Variants in FER1L6 observed in about 807,000 individuals in gnomAD.
FER1L6 encodes fer-1-like protein 6.
Under a neutral mutation model 219.2 loss-of-function variants are expected in FER1L6, and 177 were observed. That is an observed-to-expected ratio of 0.81 (90% confidence interval 0.71 to 0.91). FER1L6 has a LOEUF of 0.91. FER1L6 is among the 40% of genes least tolerant of loss of function. FER1L6 has a pLI of 0.00. For missense variants in FER1L6, 2,153 were observed against 2,259.9 expected (o/e 0.95, Z 0.96); for synonymous variants, 768 against 824.3 (o/e 0.93, Z 1.17).
chr8:124,040,087 G>A (rs943763649), intron 20 of FER1L6, 81 bp downstream of exon 20: 132 of 1,575,524 alleles, frequency 8.4e-5, no homozygotes, highest in South Asian at 2.4e-4. Flanking sequence ...AAGAAACAAC[G>A]GGGGCATGTT....
Position 124,060,642 on chromosome 8 carries a change from A to T in FER1L6, c.3080A>T (p.Lys1027Met). 1 of 1,614,066 alleles carries T rather than the reference A, an allele frequency of 6.2e-7. No homozygotes were observed. The highest frequency in any genetic ancestry group is 8.5e-7 in the Non-Finnish European group (1 of 1,179,978). The change falls in exon 24 of 41, where the codon AAG becomes ATG. Residue 1027 changes from lysine (K) to methionine (M), a missense_variant. Lys to Met is a moderately conservative substitution (Grantham distance 95). Transcript: ENST00000522917. ...ALIECGGQGV[K>M]SCVIQSYKNN... ...ATTGAGTGCGGAGGACAAGGTGTGAAGTCCTGCGTGATCCAGAGCTACAAG... is the reference window on the plus strand; with the variant it reads ...ATTGAGTGCGGAGGACAAGGTGTGATGTCCTGCGTGATCCAGAGCTACAAG...
chr8:123,917,287 A>C lies in FER1L6; in HGVS notation c.-7-38705A>C, dbSNP rs548338592. On this transcript the variant is annotated intron_variant, in intron 1 of 40. Coordinates refer to ENST00000522917, the MANE Select transcript of FER1L6 (RefSeq NM_001039112.2). ...ATTCAATTTGGGGAACTTACCATAAATCTAATTTTTAAGGTCAAATGAGAC... is the reference window on the plus strand; with the variant it reads ...ATTCAATTTGGGGAACTTACCATAACTCTAATTTTTAAGGTCAAATGAGAC... Among the ~76,000 whole-genome samples the C allele has an allele frequency of 3.9e-5, 6 of 152,348 alleles. No individual in the cohort carries two copies. In the East Asian group the frequency reaches 9.6e-4, roughly 24 times the overall value.
At chr8:123,905,720 G>A (rs1223374783) in intron 1 of FER1L6, among the ~76,000 whole-genome samples, 1 of 152,092 alleles carries the variant, frequency 6.6e-6, no homozygotes, top group Non-Finnish European at 1.5e-5. Flanking sequence ...TATATACAAA[G>A]ATTATTATGG....
chr8:124,034,486 C>T (rs1209143417), intron 18 of FER1L6, among the ~76,000 whole-genome samples: 1 of 152,214 alleles, frequency 6.6e-6, no homozygotes, highest in South Asian at 2.1e-4. Flanking sequence ...TACACACATA[C>T]ATGTGGACAT....
intron 1 of FER1L6, among the ~76,000 whole-genome samples, chr8:123,917,094 A>G (rs1813212120): frequency 6.6e-6 from 1 of 152,190 alleles, no homozygotes; most frequent in African/African-American, 2.4e-5. Context: ...CTTAGGCACA[A>G]TGCTTCACCT....
At chr8:123,856,292 GTATATATATA>G (rs1255382948) in intron 1 of FER1L6, among the ~76,000 whole-genome samples, 2 of 67,480 alleles carry the variant, frequency 3.0e-5, no homozygotes, top group African/African-American at 1.2e-4. Flanking sequence ...ATGTGTGTGT[GTATATATATA>G]TATATATGTA....
chr8:123,901,935 G>C (rs1017958870), intron 1 of FER1L6, among the ~76,000 whole-genome samples: 3 of 151,936 alleles, frequency 2.0e-5, no homozygotes, highest in Non-Finnish European at 4.4e-5. Flanking sequence ...TTAGCCAGGA[G>C]GGTCTCAATC....
At chr8:123,865,555 C>A (rs1192607428) in intron 1 of FER1L6, among the ~76,000 whole-genome samples, 1 of 151,490 alleles carries the variant, frequency 6.6e-6, no homozygotes, top group Non-Finnish European at 1.5e-5. Context: ...CAAGCCTGGG[C>A]AATGGCGGGC....
At chr8:123,854,630 T>G (rs1490270929) in intron 1 of FER1L6, among the ~76,000 whole-genome samples, 1 of 152,204 alleles carries the variant, frequency 6.6e-6, no homozygotes, top group Non-Finnish European at 1.5e-5. Flanking sequence ...GTCCCTTTAT[T>G]ACCAAGGGTG....
Position 124,039,895 on chromosome 8 carries a change from T to A in FER1L6, c.2478T>A (p.Phe826Leu). ...ATTTGTCCACAGAACAGCATGTTTT[T>A]CAGCTGAGGGCTCACATGTACCAAG... The part of the protein sequence containing the change: ...SNLLYQEQHV[F>L]QLRAHMYQAR... Residue 826 changes from phenylalanine (F) to leucine (L), a missense_variant, in exon 20 of 41, where the codon TTT becomes TTA. Phe to Leu is a conservative substitution (Grantham distance 22). Transcript: ENST00000522917. 1 of 1,614,146 alleles carries A rather than the reference T, an allele frequency of 6.2e-7. No homozygotes were observed. The highest frequency in any genetic ancestry group is 1.1e-5 in the South Asian group (1 of 91,082).
At position 124,097,940 on chromosome 8, in the gene FER1L6, C is replaced by T. The variant is rs571555387; in HGVS notation, c.4883+57C>T. 2.5e-5 allele frequency: 24 copies of T among 945,896 alleles called. No homozygotes were observed. The East Asian group carries it at 5.3e-4, about 21-fold the overall frequency. The allele number at this position is 945,896 out of a possible 1,614,324, so 58.6% of individuals were successfully genotyped here. Reference sequence around the variant, plus strand: ...TTCCTTCCCTCCTCACCTTTTTAAACCCTAACTAAATCTATGCCTCATGGA... The same window carrying T: ...TTCCTTCCCTCCTCACCTTTTTAAATCCTAACTAAATCTATGCCTCATGGA... On this transcript the variant is annotated intron_variant, in intron 37 of 40. Transcript: ENST00000522917.
intron 20 of FER1L6, among the ~76,000 whole-genome samples, chr8:124,041,618 A>C (rs1362357780): frequency 2.0e-5 from 3 of 152,180 alleles, no homozygotes; most frequent in Non-Finnish European, 4.4e-5. Flanking sequence ...GATAAGCCTC[A>C]GGGTGCAGGG....
At chr8:124,049,970 T>A (rs1002038194) in intron 22 of FER1L6, among the ~76,000 whole-genome samples, 1 of 152,222 alleles carries the variant, frequency 6.6e-6, no homozygotes, top group Non-Finnish European at 1.5e-5. Flanking sequence ...AATCTCAGGA[T>A]GAAATATTCT....
Position 123,990,035 on chromosome 8 carries a change from G to T in FER1L6, c.1519+3859G>T, listed in dbSNP as rs187430863. Among the ~76,000 whole-genome samples the T allele has an allele frequency of 2.6e-5, 4 of 152,260 alleles. No homozygotes were observed. In the East Asian group the frequency reaches 7.7e-4, roughly 29 times the overall value. On this transcript the variant is annotated intron_variant, in intron 12 of 40. Coordinates refer to ENST00000522917, the MANE Select transcript of FER1L6 (RefSeq NM_001039112.2). The stretch of plus-strand genomic sequence containing the variant: ...TGTAATCCCAGCACTTTGTGAGGCC[G>T]AGGTGGGCGGATCACGAGGTCAGGA...
chr8:123,975,107 G>A (rs763392510), intron 7 of FER1L6, 43 bp from the exon 8 acceptor site: 1 of 1,503,010 alleles, frequency 6.7e-7, no homozygotes, highest in Non-Finnish European at 9.0e-7. Flanking sequence ...GGGGCTGCTG[G>A]GCCCATCTGT....
chr8:123,921,908 T>C (rs1019387673), intron 1 of FER1L6, among the ~76,000 whole-genome samples: 2 of 152,196 alleles, frequency 1.3e-5, no homozygotes, highest in African/African-American at 2.4e-5. Context: ...TGATCTACTG[T>C]GAGACCTTGG....
At position 124,045,875 on chromosome 8, in the gene FER1L6, G is replaced by A. The variant is rs1819706223; in HGVS notation, c.2698G>A (p.Val900Met). The A allele has an allele frequency of 6.2e-7, 1 of 1,614,018 alleles. No homozygotes were observed. Among genetic ancestry groups the A allele is most frequent in the Non-Finnish European group, 8.5e-7 (1 of 1,179,996 alleles). Reference protein sequence around the residue: ...ELAESPPLVVVELYDSDAVGK... With the variant: ...ELAESPPLVVMELYDSDAVGK... ...GGCAGAGTCCCCGCCCTTAGTGGTG[G>A]TGGAGCTGTATGACAGCGACGCTGT... Residue 900 changes from valine to methionine, a missense_variant, in exon 21 of 41, where the codon GTG becomes ATG. Transcript: ENST00000522917.
intron 21 of FER1L6, chr8:124,046,468 A>G (rs1586633925): frequency 6.6e-6 from 1 of 152,264 alleles, no homozygotes; most frequent in South Asian, 2.1e-4. Context: ...GAACCCTTGG[A>G]TAGAGTCCAA....
chr8:123,942,460 C>G (rs973044522), intron 1 of FER1L6, among the ~76,000 whole-genome samples: 2 of 152,252 alleles, frequency 1.3e-5, no homozygotes, highest in Non-Finnish European at 2.9e-5. Flanking sequence ...CCATGTGCCA[C>G]AAACATGGCT....
Sources: gnomAD v4.1 joint callset for allele counts (sites outside exome capture counted in the v4.1 genomes callset) on GRCh38, gnomAD v4.1.1 for gene constraint, MANE v1.5 for transcripts, NCBI Gene and HGNC (gene_info 2026-07-23, HGNC 2026-07-21) for gene names.